The following CCDC88A variants were observed in gnomAD, a reference collection of about 807,000 sequenced individuals.
CCDC88A encodes the protein girdin.
Under a neutral mutation model 234.3 loss-of-function variants are expected in CCDC88A, and 54 were observed. The observed-to-expected ratio is 0.23, with a 90% CI of 0.19 to 0.29. CCDC88A has a LOEUF of 0.29. Ranked by LOEUF, CCDC88A falls within the 10% of genes least tolerant of loss-of-function variation. The pLI is 1.00. For missense variants in CCDC88A, 1,832 were observed against 2,123.4 expected (o/e 0.86, Z 2.70); for synonymous variants, 753 against 737.8 (o/e 1.02, Z -0.33).
Position 55,419,021 on chromosome 2 carries a change from G to A in CCDC88A, c.59C>T (p.Thr20Ile). 6.2e-7 allele frequency: 1 copy of A among 1,612,238 alleles called. No homozygotes were observed. The highest frequency in any genetic ancestry group is 8.5e-7 in the Non-Finnish European group (1 of 1,178,298). Reference protein sequence around the residue: ...LEQFMTSPLVTWVKTFGPLAA... With the variant: ...LEQFMTSPLVIWVKTFGPLAA... ...AATAAAGGACACCCCACTTACCCAA[G>A]TGACCAAAGGGCTGGTCATGAACTG... Residue 20 changes from threonine (T) to isoleucine (I), a missense_variant, in exon 1 of 33, where the codon ACT becomes ATT. Thr to Ile is a moderately conservative substitution (Grantham distance 89, BLOSUM62 -1). Around this residue, in one of 6 missense-constraint regions of CCDC88A, gnomAD observed 36 missense variants for 44.0 expected, o/e 0.82. Transcript: ENST00000436346.
chr2:55,336,456 G>A (rs1685472578), intron 14 of CCDC88A, among the ~76,000 whole-genome samples: 1 of 151,878 alleles, frequency 6.6e-6, no homozygotes, highest in South Asian at 2.1e-4. Context: ...TATACTAGAT[G>A]ATTATTAAGC....
intron 2 of CCDC88A, among the ~76,000 whole-genome samples, chr2:55,412,880 T>C (rs1266753454): frequency 1.3e-5 from 2 of 152,148 alleles, no homozygotes; most frequent in Non-Finnish European, 2.9e-5. Context: ...TACAGCTATA[T>C]AGAGGTGACA....
intron 2 of CCDC88A, among the ~76,000 whole-genome samples, chr2:55,414,822 T>C (rs1558855971): frequency 2.0e-5 from 3 of 152,054 alleles, no homozygotes; most frequent in Admixed American, 6.6e-5. Flanking sequence ...TCCCAGCACT[T>C]TGGGAGGCTG....
In CCDC88A at chr2:55,339,468, T is replaced by C. The variant is rs374018684; in HGVS notation, c.1514A>G (p.Lys505Arg). 3 of 1,549,484 alleles carry C rather than the reference T, an allele frequency of 1.9e-6. No individual in the cohort carries two copies. Among genetic ancestry groups the C allele is most frequent in the Non-Finnish European group, 2.6e-6 (3 of 1,140,242 alleles). The change falls in exon 13 of 33, where the codon AAA becomes AGA. Residue 505 changes from lysine (K) to arginine (R), a missense_variant. Physicochemically the swap from Lys to Arg is conservative, Grantham distance 26 (BLOSUM62 2). Transcript: ENST00000436346. ...KMEKENQRLS[K>R]KVEILENEIV... The stretch of plus-strand genomic sequence containing the variant: ...AAACACTACATTTTAATTTACCTTT[T>C]TACTGAGCCTTTGATTTTCTTTTTC...
At chr2:55,341,429 T>A (rs1668481433) in intron 12 of CCDC88A, among the ~76,000 whole-genome samples, 1 of 116,806 alleles carries the variant, frequency 8.6e-6, no homozygotes, top group South Asian at 3.1e-4. Context: ...TGAGCCACCA[T>A]GCCCGGCACT....
chr2:55,320,675 A>T (rs1683509769), intron 18 of CCDC88A, among the ~76,000 whole-genome samples: 1 of 152,258 alleles, frequency 6.6e-6, no homozygotes, highest in African/African-American at 2.4e-5. Context: ...TATATGAAAG[A>T]TGTGTAATAC....
Position 55,343,778 on chromosome 2 carries a change from A to G in CCDC88A, c.1203T>C (p.Asp401=). The part of the protein sequence containing the change: ...LHDMEMERDM[D]RKKIEELMEE... The stretch of plus-strand genomic sequence containing the variant: ...CCATTAATTCTTCAATCTTTTTTCT[A>G]TCCATATCTCGTTCCTTTTTTATTG... The change falls in exon 12 of 33, where the codon GAT becomes GAC. Residue 401 remains aspartate (D), a synonymous_variant. Transcript: ENST00000436346. 2 of 1,608,570 alleles carry G rather than the reference A, an allele frequency of 1.2e-6. No homozygotes were observed. The highest frequency in any genetic ancestry group is 1.7e-6 in the Non-Finnish European group (2 of 1,177,258).
At chr2:55,389,765 G>T (rs546167073) in intron 2 of CCDC88A, among the ~76,000 whole-genome samples, 1 of 152,102 alleles carries the variant, frequency 6.6e-6, no homozygotes, top group South Asian at 2.1e-4. Flanking sequence ...CTGAGGTAGG[G>T]CACGGTGACT....
rs568208643 is a variant in CCDC88A at position 55,335,237 on chromosome 2, T to G, written c.1657-73A>C. Reference sequence around the variant, plus strand: ...ACTATGGTTTATCTCTTCCAAAAACTACCAAGAAAAGGGGAACAAAAAAAG... The same window carrying G: ...ACTATGGTTTATCTCTTCCAAAAACGACCAAGAAAAGGGGAACAAAAAAAG... On this transcript the variant is annotated intron_variant, in intron 14 of 32. Coordinates refer to ENST00000436346, the MANE Select transcript of CCDC88A (RefSeq NM_001365480.1). The surrounding 1 kb of genome is among the most constrained non-coding windows in gnomAD (Gnocchi z 4.5). The G allele has an allele frequency of 4.1e-6, 4 of 985,452 alleles. No homozygotes were observed. In the South Asian group the frequency reaches 9.7e-5, roughly 24 times the overall value. The allele number at this position is 985,452 out of a possible 1,614,324, so 61.0% of individuals were successfully genotyped here. A position where few individuals can be genotyped will look rare whatever the true frequency, so the allele number is the denominator to read the frequency against.
intron 4 of CCDC88A, among the ~76,000 whole-genome samples, chr2:55,373,421 G>A (rs1673124991): frequency 6.6e-6 from 1 of 152,066 alleles, no homozygotes; most frequent in Non-Finnish European, 1.5e-5. Context: ...TCATCTCTGT[G>A]TAGTCTTCCC....
At position 55,384,590 on chromosome 2, in the gene CCDC88A, C is replaced by CACATATACGTATGTATGTGTATATAT. The variant is rs1558788430; in HGVS notation, c.273+4187_273+4188insATATATACACATACATACGTATATGT. Among the ~76,000 whole-genome samples, 8 of 1,952 alleles carry CACATATACGTATGTATGTGTATATAT rather than the reference C, an allele frequency of 4.1e-3. 1 individual carries two copies. The highest frequency in any genetic ancestry group is 9.3e-3 in the African/African-American group (8 of 864). The allele number at this position is 1,952 out of a possible 152,430, so 1.3% of individuals were successfully genotyped here. Reference sequence around the variant, plus strand: ...ATATACGTATATATGTGTATATATACACATATATACGTATATATGTGTATA... The same window carrying CACATATACGTATGTATGTGTATATAT: ...ATATACGTATATATGTGTATATATACACATATACGTATGTATGTGTATATATACATATATACGTATATATGTGTATA... On this transcript the variant is annotated intron_variant, in intron 3 of 32. Transcript: ENST00000436346.
At chr2:55,304,256 C>T (rs897735988) in intron 25 of CCDC88A, among the ~76,000 whole-genome samples, 2 of 152,138 alleles carry the variant, frequency 1.3e-5, no homozygotes, top group Non-Finnish European at 2.9e-5. Flanking sequence ...TATGATCACG[C>T]CACTGCACTC....
chr2:55,395,652 G>A (rs780105251), intron 2 of CCDC88A, among the ~76,000 whole-genome samples: 6 of 152,118 alleles, frequency 3.9e-5, no homozygotes, highest in Admixed American at 1.3e-4. Flanking sequence ...CGAAAGTTAC[G>A]AGCTGACAAC....
intron 9 of CCDC88A, 54 bp from the exon 10 acceptor site, chr2:55,346,387 T>C (rs1241351374): frequency 2.0e-6 from 2 of 1,000,508 alleles, no homozygotes; most frequent in Non-Finnish European, 2.9e-6. Context: ...CAACTTGTTA[T>C]TCTTTGTTGC....
Position 55,296,527 on chromosome 2 carries a change from T to C in CCDC88A, c.4826-4A>G, listed in dbSNP as rs764045238. On this transcript the variant is annotated splice_region_variant and splice_polypyrimidine_tract_variant and intron_variant, in intron 29 of 32. Transcript: ENST00000436346. Reference sequence around the variant, plus strand: ...CTTTGGTTATTAACTGCACCTGCTTTTGGAGTAAATGGGGTGTTGAGATTT... The same window carrying C: ...CTTTGGTTATTAACTGCACCTGCTTCTGGAGTAAATGGGGTGTTGAGATTT... The C allele has an allele frequency of 1.2e-6, 2 of 1,612,594 alleles. No individual in the cohort carries two copies. The highest frequency in any genetic ancestry group is 1.7e-6 in the Non-Finnish European group (2 of 1,179,352).
At chr2:55,319,815 G>A (rs919670589) in intron 18 of CCDC88A, among the ~76,000 whole-genome samples, 1 of 151,944 alleles carries the variant, frequency 6.6e-6, no homozygotes, top group Admixed American at 6.6e-5. Context: ...ATCAACAACA[G>A]CAAAGTATAA....
Position 55,401,433 on chromosome 2 carries a change from C to CAAAAAAAAAAAAAAAA in CCDC88A, c.165-12548_165-12547insTTTTTTTTTTTTTTTT, listed in dbSNP as rs1418741634. ...TGGATGACAGAGAAAGACTCTGTCT[C>CAAAAAAAAAAAAAAAA]CAAAAAAAAAAAAAATATATATATA... On this transcript the variant is annotated intron_variant, in intron 2 of 32. Transcript: ENST00000436346. Among the ~76,000 whole-genome samples the CAAAAAAAAAAAAAAAA allele has an allele frequency of 1.4e-3, 41 of 30,122 alleles. 14 individuals carry two copies. The highest frequency in any genetic ancestry group is 0.016 in the Middle Eastern group (1 of 62). 19.8% of individuals were successfully genotyped at this position (30,122 alleles called of 152,430 possible).
rs1338991442 is a variant in CCDC88A at position 55,304,155 on chromosome 2, G to A, written c.4388-1003C>T. ...GAGAACCCATCCCTACAAAAAATTA[G>A]CCATGTGTGGTGAGCACCTGTAGTC... On this transcript the variant is annotated intron_variant, in intron 25 of 32. Coordinates refer to ENST00000436346, the MANE Select transcript of CCDC88A (RefSeq NM_001365480.1). Among the ~76,000 whole-genome samples, 11 of 150,304 alleles carry A rather than the reference G, an allele frequency of 7.3e-5. 1 individual carries two copies. In the East Asian group the frequency reaches 2.1e-3, roughly 29 times the overall value.
chr2:55,304,970 T>C (rs937706063), intron 25 of CCDC88A, among the ~76,000 whole-genome samples: 9 of 152,226 alleles, frequency 5.9e-5, no homozygotes, highest in Non-Finnish European at 8.8e-5. Flanking sequence ...GCAATGGACA[T>C]ATAGCTCTTT....
Sources: allele counts gnomAD v4.1 joint callset (sites outside exome capture counted in the v4.1 genomes callset), GRCh38; gene constraint gnomAD v4.1.1; regional missense constraint gnomAD v4.1.1; non-coding constraint Gnocchi (gnomAD v3.1); transcripts MANE v1.5; gene names NCBI Gene and HGNC (gene_info 2026-07-23, HGNC 2026-07-21).